EMILIN1: variants seen among roughly 807,000 people sequenced by gnomAD.
EMILIN1 encodes elastin microfibril interfacer 1.
A neutral mutation model predicts 82.4 loss-of-function variants in EMILIN1; 49 were observed. The observed-to-expected ratio is 0.59, with a 90% CI of 0.47 to 0.75. The LOEUF (loss-of-function observed/expected upper bound fraction) is 0.75, where lower values mean the gene tolerates loss of function less well. Ranked by LOEUF, EMILIN1 falls within the 30% of genes least tolerant of loss-of-function variation. The probability of loss-of-function intolerance (pLI) is 0.00; values close to 1 mark genes in which losing one functional copy is unlikely to be tolerated. For missense variants in EMILIN1, 1,313 were observed against 1,366.4 expected (o/e 0.96, Z 0.62); for synonymous variants, 604 against 602.2 (o/e 1.00, Z -0.04).
chr2:27,082,035 G>A (rs764527793), intron 3 of EMILIN1, 48 bp from the exon 4 acceptor site: 1 of 1,514,270 alleles, frequency 6.6e-7, no homozygotes. Context: ...CAGGGGCCTT[G>A]AGCTCTGGGG....
Position 27,084,416 on chromosome 2 carries a change from G to T in EMILIN1, c.2442G>T (p.Gly814=). 1.3e-6 allele frequency: 2 copies of T among 1,594,506 alleles called. No individual in the cohort carries two copies. The highest frequency in any genetic ancestry group is 1.7e-6 in the Non-Finnish European group (2 of 1,165,186). The change falls in exon 5 of 8, where the codon GGG becomes GGT. Residue 814 remains glycine, a splice_region_variant and synonymous_variant. Coordinates refer to ENST00000380320, the MANE Select transcript of EMILIN1 (RefSeq NM_007046.4). ...LHQLSLKDLT[G]PAGEAGPPGP... is the part of the protein sequence containing the mutation. ...TTCAACTCAATTTTGTCACTGTAGG[G>T]CCTGCAGGAGAGGCTGGGCCCCCAG...
At chr2:27,081,939 G>A in intron 3 of EMILIN1, 144 bp from the exon 4 acceptor site, 1 of 1,029,652 alleles carries the variant, frequency 9.7e-7, no homozygotes, top group Non-Finnish European at 1.4e-6. Flanking sequence ...AGTGAATGGA[G>A]TTTCTTTTTT....
In EMILIN1 at chr2:27,080,860, C is replaced by A. The variant is rs753037297; in HGVS notation, c.419C>A (p.Ala140Glu). 2 of 1,611,110 alleles carry A rather than the reference C, an allele frequency of 1.2e-6. No individual in the cohort carries two copies. The highest frequency in any genetic ancestry group is 1.7e-6 in the Non-Finnish European group (2 of 1,179,050). The change falls in exon 3 of 8, where the codon GCG becomes GAG. Residue 140 changes from alanine to glutamate, a missense_variant. Coordinates refer to ENST00000380320, the MANE Select transcript of EMILIN1 (RefSeq NM_007046.4). The stretch of plus-strand genomic sequence containing the variant: ...AGTCCCGCTCCAGCGCTGGGGCCTG[C>A]GTCTTCCACACCACGGCCCCTGGCC... Reference protein sequence around the residue: ...AESPAPALGPASSTPRPLARP... With the variant: ...AESPAPALGPESSTPRPLARP...
Position 27,083,791 on chromosome 2 carries a change from G to A in EMILIN1, c.2220G>A (p.Val740=). ...GTGTCTGTGAACGGTTGGACACTGT[G>A]GCTGGGGGACTGCAGGGCCTGCGCG... The part of the protein sequence containing the change: ...LEGVCERLDT[V]AGGLQGLREG... Residue 740 remains valine (V), a synonymous_variant, in exon 4 of 8, where the codon GTG becomes GTA. Coordinates refer to ENST00000380320, the MANE Select transcript of EMILIN1 (RefSeq NM_007046.4). The A allele has an allele frequency of 1.9e-6, 3 of 1,604,466 alleles. No homozygotes were observed. Among genetic ancestry groups the A allele is most frequent in the Non-Finnish European group, 2.6e-6 (3 of 1,172,190 alleles).
In EMILIN1 at chr2:27,083,568, C is replaced by G. The variant is rs1669526902; in HGVS notation, c.1997C>G (p.Thr666Ser). 4 of 1,614,010 alleles carry G rather than the reference C, an allele frequency of 2.5e-6. No individual in the cohort carries two copies. The highest frequency in any genetic ancestry group is 3.4e-6 in the Non-Finnish European group (4 of 1,179,990). Reference protein sequence around the residue: ...SLNDSLNELQTTVEGQGADLA... With the variant: ...SLNDSLNELQSTVEGQGADLA... ...AATGACTCACTGAATGAGCTCCAGA[C>G]CACTGTGGAGGGCCAGGGCGCTGAT... The change falls in exon 4 of 8, where the codon ACC (threonine) becomes AGC (serine). Residue 666 changes from threonine to serine, a missense_variant. By Grantham distance (58) the Thr-to-Ser change is moderately conservative. Coordinates refer to ENST00000380320, the MANE Select transcript of EMILIN1 (RefSeq NM_007046.4).
intron 6 of EMILIN1, 70 bp downstream of exon 6, chr2:27,085,078 C>T: frequency 6.2e-7 from 1 of 1,612,876 alleles, no homozygotes; most frequent in Non-Finnish European, 8.5e-7. Context: ...CCTCGGGCAG[C>T]CCTGGGCTGG....
At position 27,080,238 on chromosome 2, in the gene EMILIN1, C is replaced by T. The variant is rs1669450265; in HGVS notation, c.258C>T (p.Ala86=). The T allele has an allele frequency of 6.2e-7, 1 of 1,614,008 alleles. No homozygotes were observed. Among genetic ancestry groups the T allele is most frequent in the Non-Finnish European group, 8.5e-7 (1 of 1,179,968 alleles). The change falls in exon 2 of 8, where the codon GCC becomes GCT. Residue 86 remains alanine (A), a synonymous_variant. Transcript: ENST00000380320. ...CATATGTCAAGTACCAGCCTTGTGCCTGGGGCCAGCCCCAGTGTCCCCAAA... is the reference window on the plus strand; with the variant it reads ...CATATGTCAAGTACCAGCCTTGTGCTTGGGGCCAGCCCCAGTGTCCCCAAA... ...VETYVKYQPC[A]WGQPQCPQSI... is the part of the protein sequence containing the mutation.
rs552485083 is a variant in EMILIN1, at chr2:27,083,130, C to G, written c.1559C>G (p.Thr520Arg). Residue 520 changes from threonine (T) to arginine (R), a missense_variant, in exon 4 of 8, where the codon ACG becomes AGG. Coordinates refer to ENST00000380320, the MANE Select transcript of EMILIN1 (RefSeq NM_007046.4). Reference protein sequence around the residue: ...QLRLVGSGLHTVEAAGEARQA... With the variant: ...QLRLVGSGLHRVEAAGEARQA... ...CGGCTGGTGGGCTCCGGCCTGCACA[C>G]GGTGGAAGCAGCGGGGGAGGCCCGG... The G allele has an allele frequency of 6.3e-7, 1 of 1,585,162 alleles. No individual in the cohort carries two copies. Among genetic ancestry groups the G allele is most frequent in the African/African-American group, 1.3e-5 (1 of 74,390 alleles).
chr2:27,083,382 G>GC lies in EMILIN1; in HGVS notation c.1816dup (p.Leu606ProfsTer44), dbSNP rs765651075. 1.2e-6 allele frequency: 2 copies of GC among 1,612,090 alleles called. No homozygotes were observed. Among genetic ancestry groups the GC allele is most frequent in the African/African-American group, 1.3e-5 (1 of 75,060 alleles). On this transcript the variant is annotated frameshift_variant, in exon 4 of 8. Coordinates refer to ENST00000380320, the MANE Select transcript of EMILIN1 (RefSeq NM_007046.4). LOFTEE classifies it high-confidence loss of function. ...CGGGATGGTGTGGAGCGCTGCTCCT[G>GC]CCCCCTGTTGCCTCCTCGGGGTCCT...
At chr2:27,080,592 A>C in intron 2 of EMILIN1, 140 bp from the exon 3 acceptor site, 1 of 716,708 alleles carries the variant, frequency 1.4e-6, no homozygotes, top group South Asian at 1.9e-5. Flanking sequence ...CAGCTAAGCA[A>C]GGCCACATGT....
In EMILIN1 at chr2:27,080,801, C is replaced by T. The variant is rs1243339556; in HGVS notation, c.360C>T (p.Cys120=). The part of the protein sequence containing the change: ...YKTVTDMEWR[C]CQGYGGDDCA... The stretch of plus-strand genomic sequence containing the variant: ...CAGTGACCGACATGGAGTGGAGGTG[C>T]TGTCAGGGTTATGGGGGCGATGACT... The change falls in exon 3 of 8, where the codon TGC becomes TGT. Residue 120 remains cysteine (C), a synonymous_variant. Transcript: ENST00000380320. 6 of 1,613,788 alleles carry T rather than the reference C, an allele frequency of 3.7e-6. No homozygotes were observed. The highest frequency in any genetic ancestry group is 5.1e-6 in the Non-Finnish European group (6 of 1,179,978).
In EMILIN1 at chr2:27,085,221, G is replaced by T. The variant is rs757990576; in HGVS notation, c.2637G>T (p.Leu879Phe). The T allele has an allele frequency of 6.2e-7, 1 of 1,614,180 alleles. No homozygotes were observed. Among genetic ancestry groups the T allele is most frequent in the Non-Finnish European group, 8.5e-7 (1 of 1,180,040 alleles). The change falls in exon 7 of 8, where the codon TTG (leucine) becomes TTT (phenylalanine). Residue 879 changes from leucine (L) to phenylalanine (F), a missense_variant. Leu to Phe is a conservative substitution (Grantham distance 22). Coordinates refer to ENST00000380320, the MANE Select transcript of EMILIN1 (RefSeq NM_007046.4). ...TGGCATTTTCAGCTGCTCTGAGTTT[G>T]CCCCGGTCTGAACCAGGCACGGTCC... ...PQVAFSAALS[L>F]PRSEPGTVPF...
chr2:27,083,194 G>A lies in EMILIN1; in HGVS notation c.1623G>A (p.Arg541=). 1 of 1,611,424 alleles carries A rather than the reference G, an allele frequency of 6.2e-7. No homozygotes were observed. The highest frequency in any genetic ancestry group is 8.5e-7 in the Non-Finnish European group (1 of 1,178,526). The part of the protein sequence containing the change: ...TLEGLQEVVG[R]LQDRVDAQDE... ...AGGGATTACAAGAGGTTGTGGGCCG[G>A]CTCCAGGATCGTGTGGATGCCCAGG... The change falls in exon 4 of 8, where the codon CGG becomes CGA. Residue 541 remains arginine, a synonymous_variant. Coordinates refer to ENST00000380320, the MANE Select transcript of EMILIN1 (RefSeq NM_007046.4).
intron 7 of EMILIN1, 43 bp from the exon 8 acceptor site, chr2:27,085,635 C>T: frequency 3.9e-6 from 6 of 1,542,188 alleles, no homozygotes; most frequent in Non-Finnish European, 5.3e-6. Context: ...GGTGCGCTCC[C>T]CGGAGCTTCC....
In EMILIN1 at chr2:27,080,844, C is replaced by G. The variant is rs151036045; in HGVS notation, c.403C>G (p.Pro135Ala). ...CGATGACTGTGCTGAGAGTCCCGCT[C>G]CAGCGCTGGGGCCTGCGTCTTCCAC... ...GGDDCAESPA[P>A]ALGPASSTPR... The change falls in exon 3 of 8, where the codon CCA becomes GCA. Residue 135 changes from proline to alanine, a missense_variant. Pro to Ala is a conservative substitution (Grantham distance 27). Transcript: ENST00000380320. 9.7e-5 allele frequency: 157 copies of G among 1,612,522 alleles called. No homozygotes were observed. The East Asian group carries it at 3.3e-3, about 34-fold the overall frequency.
chr2:27,085,788 C>T lies in EMILIN1; in HGVS notation c.2824C>T (p.Arg942Cys). 1 of 1,612,678 alleles carries T rather than the reference C, an allele frequency of 6.2e-7. No homozygotes were observed. The highest frequency in any genetic ancestry group is 8.5e-7 in the Non-Finnish European group (1 of 1,179,824). Reference protein sequence around the residue: ...VLSRSNQGVARVDSGGYEPEG... With the variant: ...VLSRSNQGVACVDSGGYEPEG... ...GTCCCGCTCCAACCAGGGCGTGGCCCGCGTAGACTCCGGTGGCTACGAGCC... is the reference window on the plus strand; with the variant it reads ...GTCCCGCTCCAACCAGGGCGTGGCCTGCGTAGACTCCGGTGGCTACGAGCC... The change falls in exon 8 of 8, where the codon CGC (arginine) becomes TGC (cysteine). Residue 942 changes from arginine to cysteine, a missense_variant. By Grantham distance (180) the Arg-to-Cys change is radical. Transcript: ENST00000380320.
Position 27,084,482 on chromosome 2 carries a change from T to G in EMILIN1, c.2508T>G (p.Pro836=). Residue 836 remains proline, a synonymous_variant, in exon 5 of 8, where the codon CCT becomes CCG. Coordinates refer to ENST00000380320, the MANE Select transcript of EMILIN1 (RefSeq NM_007046.4). ...AGGGACCCCCAGGCCCTGCTGGACC[T>G]CCAGGATCACCAGGCAAGGACGGGC... ...GLQGPPGPAG[P]PGSPGKDGQE... 1 of 1,613,140 alleles carries G rather than the reference T, an allele frequency of 6.2e-7. No homozygotes were observed. The highest frequency in any genetic ancestry group is 8.5e-7 in the Non-Finnish European group (1 of 1,179,862).
chr2:27,080,623 G>A (rs1669456465), intron 2 of EMILIN1, 109 bp from the exon 3 acceptor site: 1 of 920,650 alleles, frequency 1.1e-6, no homozygotes, highest in African/African-American at 1.7e-5. Flanking sequence ...GAGGGACCCA[G>A]CCTGAGGGAC....
intron 5 of EMILIN1, 80 bp from the exon 6 acceptor site, chr2:27,084,911 G>A: frequency 2.2e-6 from 3 of 1,366,866 alleles, no homozygotes; most frequent in Non-Finnish European, 1.0e-6. Context: ...GAGCACAACA[G>A]GAGAGCCTCA....
Sources: allele counts gnomAD v4.1 joint callset, GRCh38; gene constraint gnomAD v4.1.1; transcripts MANE v1.5; gene names NCBI Gene and HGNC (gene_info 2026-07-23, HGNC 2026-07-21).